The following SLC2A13 variants were observed in gnomAD, a reference collection of about 807,000 sequenced individuals.
The protein encoded by SLC2A13 is solute carrier family 2 member 13, also known as proton myo-inositol cotransporter.
In SLC2A13, 32 loss-of-function variants were observed where a neutral mutation model predicts 64.4. The observed-to-expected ratio is 0.50, with a 90% CI of 0.37 to 0.67. SLC2A13 has a LOEUF of 0.67. Among genes scored for constraint, SLC2A13 ranks in the 30% least tolerant of loss-of-function variants. The pLI is 0.00. For missense variants in SLC2A13, 743 were observed against 829.2 expected (o/e 0.90, Z 1.28); for synonymous variants, 338 against 327.1 (o/e 1.03, Z -0.36).
At chr12:39,913,584 T>C (rs1322376072) in intron 4 of SLC2A13, among the ~76,000 whole-genome samples, 1 of 150,976 alleles carries the variant, frequency 6.6e-6, no homozygotes, top group Non-Finnish European at 1.5e-5. Flanking sequence ...GGACAAAAAA[T>C]ACATAAGTAT....
chr12:39,889,912 G>T (rs1255374489), intron 4 of SLC2A13, among the ~76,000 whole-genome samples: 1 of 151,988 alleles, frequency 6.6e-6, no homozygotes, highest in Non-Finnish European at 1.5e-5. Flanking sequence ...CATTTTTACT[G>T]AAAATAAATA....
chr12:40,102,321 C>CAA, intron 1 of SLC2A13, among the ~76,000 whole-genome samples: 1 of 152,314 alleles, frequency 6.6e-6, no homozygotes, highest in East Asian at 1.9e-4. Context: ...TAAACTATTA[C>CAA]AACCAAAACC....
chr12:39,958,296 C>T (rs1592318782), intron 3 of SLC2A13, among the ~76,000 whole-genome samples: 1 of 152,186 alleles, frequency 6.6e-6, no homozygotes, highest in East Asian at 1.9e-4. Context: ...GCATCCATCT[C>T]CCAGTGGGAC....
chr12:39,913,038 G>C (rs1945457040), intron 4 of SLC2A13, among the ~76,000 whole-genome samples: 1 of 152,070 alleles, frequency 6.6e-6, no homozygotes, highest in South Asian at 2.1e-4. Flanking sequence ...GTTCCAACAA[G>C]AAGAGAAGTG....
chr12:40,029,158 T>G (rs1006902210), intron 2 of SLC2A13, among the ~76,000 whole-genome samples: 7 of 152,194 alleles, frequency 4.6e-5, no homozygotes, highest in Admixed American at 1.3e-4. Context: ...TAAATATCTA[T>G]TCTTAATGGC....
chr12:39,837,009 C>A (rs1439644510), intron 6 of SLC2A13, among the ~76,000 whole-genome samples: 1 of 39,312 alleles, frequency 2.5e-5, no homozygotes, highest in African/African-American at 1.3e-4. Flanking sequence ...CATATGGAAC[C>A]AAAAAAGAGC....
In SLC2A13 at chr12:39,764,851, T is replaced by C. The variant is rs1374272284; in HGVS notation, c.1453A>G (p.Asn485Asp). Residue 485 changes from asparagine to aspartate, a missense_variant, in exon 8 of 10, where the codon AAT becomes GAT. By Grantham distance (23) the Asn-to-Asp change is conservative. This residue lies in a region of SLC2A13 where 295 missense variants were observed against 381.7 expected (regional missense o/e 0.77). Coordinates refer to ENST00000280871, the MANE Select transcript of SLC2A13 (RefSeq NM_052885.4). ...TCTTCTGTTTTGAACTTGGTTTCAT[T>C]TTCACACCTGAAAAATAATGCAATA... ...TNEAAWGRCE[N>D]ETKFKTEDIF... 1 of 1,611,660 alleles carries C rather than the reference T, an allele frequency of 6.2e-7. No individual in the cohort carries two copies. Among genetic ancestry groups the C allele is most frequent in the South Asian group, 1.1e-5 (1 of 90,910 alleles).
chr12:39,914,378 G>A (rs888692859), intron 4 of SLC2A13, among the ~76,000 whole-genome samples: 1 of 152,000 alleles, frequency 6.6e-6, no homozygotes, highest in African/African-American at 2.4e-5. Flanking sequence ...AGTAAAACAT[G>A]AGACAAAGGT....
chr12:39,944,598 C>A (rs1008477467), intron 4 of SLC2A13, among the ~76,000 whole-genome samples: 1 of 152,064 alleles, frequency 6.6e-6, no homozygotes, highest in Non-Finnish European at 1.5e-5. Flanking sequence ...ATATACTGTC[C>A]CTCTTTGTTT....
At chr12:39,946,751 G>A (rs559323980) in intron 4 of SLC2A13, among the ~76,000 whole-genome samples, 7 of 152,334 alleles carry the variant, frequency 4.6e-5, no homozygotes, top group Middle Eastern at 6.8e-3. Context: ...GGCGGAGGGC[G>A]AGATGGGCTT....
intron 1 of SLC2A13, among the ~76,000 whole-genome samples, chr12:40,102,563 G>C (rs894056497): frequency 1.3e-5 from 2 of 152,146 alleles, no homozygotes; most frequent in African/African-American, 4.8e-5. Flanking sequence ...ACAGGTAAAC[G>C]TGTGGAGGAA....
At chr12:39,860,560 GGACACCTGAGATTCC>G (rs1297070651) in intron 6 of SLC2A13, among the ~76,000 whole-genome samples, 1 of 152,082 alleles carries the variant, frequency 6.6e-6, no homozygotes, top group Non-Finnish European at 1.5e-5. Flanking sequence ...GTTGGTTCAT[GGACACCTGAGATTCC>G]ACATGTCCAA....
intron 4 of SLC2A13, among the ~76,000 whole-genome samples, chr12:39,895,963 T>A (rs1209237323): frequency 6.9e-6 from 1 of 145,258 alleles, no homozygotes; most frequent in Admixed American, 6.8e-5. Context: ...TGTGTATATA[T>A]ACATGTGTAT....
At chr12:39,915,582 A>C (rs1172203961) in intron 4 of SLC2A13, among the ~76,000 whole-genome samples, 1 of 152,020 alleles carries the variant, frequency 6.6e-6, no homozygotes, top group Non-Finnish European at 1.5e-5. Context: ...ATCGATTTTC[A>C]ATGAGTAAAA....
chr12:39,995,237 G>C (rs1947207554), intron 3 of SLC2A13, among the ~76,000 whole-genome samples: 1 of 152,182 alleles, frequency 6.6e-6, no homozygotes, highest in Non-Finnish European at 1.5e-5. Flanking sequence ...CCAAATCAGG[G>C]TGATTAGGAT....
intron 3 of SLC2A13, among the ~76,000 whole-genome samples, chr12:39,952,998 TTA>T (rs1491165614): frequency 2.6e-5 from 4 of 151,830 alleles, no homozygotes; most frequent in Non-Finnish European, 5.9e-5. Context: ...GATTTTTTTT[TTA>T]AAAAAAGACA....
At chr12:39,877,294 C>A (rs1377220374) in intron 4 of SLC2A13, among the ~76,000 whole-genome samples, 2 of 152,154 alleles carry the variant, frequency 1.3e-5, no homozygotes, top group Non-Finnish European at 2.9e-5. Context: ...AAAGGTATGT[C>A]TTACACGGTG....
chr12:39,977,646 T>C (rs1311012511), intron 3 of SLC2A13, among the ~76,000 whole-genome samples: 2 of 152,222 alleles, frequency 1.3e-5, no homozygotes, highest in Non-Finnish European at 2.9e-5. Flanking sequence ...TGAAAATCTT[T>C]TAGAAATATC....
At chr12:39,892,135 T>G (rs945026670) in intron 4 of SLC2A13, among the ~76,000 whole-genome samples, 1 of 152,198 alleles carries the variant, frequency 6.6e-6, no homozygotes, top group Non-Finnish European at 1.5e-5. Flanking sequence ...CTGCTCCACA[T>G]AGCATGCTAC....
Sources: allele counts gnomAD v4.1 joint callset (sites outside exome capture counted in the v4.1 genomes callset), GRCh38; gene constraint gnomAD v4.1.1; regional missense constraint gnomAD v4.1.1; transcripts MANE v1.5; gene names NCBI Gene and HGNC (gene_info 2026-07-23, HGNC 2026-07-21).